Variants in MMP26 observed in about 807,000 individuals in gnomAD.
MMP26 encodes matrix metalloproteinase-26.
In MMP26, 33 loss-of-function variants were observed where a neutral mutation model predicts 31.0. That is an observed-to-expected ratio of 1.06 (90% CI 0.81 to 1.42). The LOEUF is 1.42. Ranked by LOEUF, MMP26 falls within the 40% of genes most tolerant of loss-of-function variation. The pLI is 0.00. For synonymous variants in MMP26, 122 were observed against 114.9 expected (o/e 1.06, Z -0.40); for missense variants, 347 against 316.1 (o/e 1.10, Z -0.74).
At chr11:4,982,891 A>C (rs185901870) in intron 2 of MMP26, among the ~76,000 whole-genome samples, 201 of 152,308 alleles carry the variant, frequency 1.3e-3, no homozygotes, top group African/African-American at 4.7e-3. Context: ...TGTAAGGTCC[A>C]GGTTACATCA....
At chr11:4,952,707 A>G (rs1214352588) in intron 2 of MMP26, among the ~76,000 whole-genome samples, 2 of 125,380 alleles carry the variant, frequency 1.6e-5, no homozygotes, top group Non-Finnish European at 3.6e-5. Flanking sequence ...CAGAGCCTCA[A>G]TCTCTTCAAC....
chr11:4,877,412 C>G (rs1850398504), intron 2 of MMP26: 1 of 152,356 alleles, frequency 6.6e-6, no homozygotes, highest in East Asian at 1.9e-4. Flanking sequence ...CTGCTTCTCC[C>G]TCCTGTGCTC....
rs117033745 is a variant in MMP26 at position 4,732,807 on chromosome 11, T to C, written c.-217+27762T>C. On this transcript the variant is annotated intron_variant, in intron 1 of 7. Coordinates refer to ENST00000380390, the MANE Select transcript of MMP26 (RefSeq NM_021801.5). ...CAAGTATTAGTACTTCAGTCCTTTT[T>C]ATAGCTGAATAAATATTCCATTGCA... Among the ~76,000 whole-genome samples, 199 of 152,386 alleles carry C rather than the reference T, an allele frequency of 1.3e-3. 1 individual carries two copies. The highest frequency in any genetic ancestry group is 3.4e-3 in the Middle Eastern group (1 of 294).
chr11:4,824,737 C>CG (rs1339905047), intron 2 of MMP26, among the ~76,000 whole-genome samples: 2 of 152,150 alleles, frequency 1.3e-5, no homozygotes, highest in African/African-American at 4.8e-5. Flanking sequence ...TTTCTGTGGT[C>CG]ATTATCATAT....
intron 2 of MMP26, among the ~76,000 whole-genome samples, chr11:4,986,830 G>T (rs1564819650): frequency 6.7e-6 from 1 of 148,888 alleles, no homozygotes; most frequent in Admixed American, 6.7e-5. Flanking sequence ...ACTGCGCCTG[G>T]CCTAGTTGAA....
intron 2 of MMP26, among the ~76,000 whole-genome samples, chr11:4,963,040 C>T (rs781005325): frequency 2.2e-4 from 33 of 152,068 alleles, no homozygotes; most frequent in Non-Finnish European, 3.7e-4. Flanking sequence ...CCAAGAAAGC[C>T]CTGGGGATTC....
intron 2 of MMP26, among the ~76,000 whole-genome samples, chr11:4,905,846 C>T (rs1205928061): frequency 6.6e-6 from 1 of 152,008 alleles, no homozygotes; most frequent in Admixed American, 6.5e-5. Context: ...TGAAAGTAAA[C>T]TTGTATGCTT....
intron 2 of MMP26, among the ~76,000 whole-genome samples, chr11:4,798,722 A>G (rs956755250): frequency 7.9e-5 from 12 of 152,208 alleles, no homozygotes; most frequent in Non-Finnish European, 1.8e-4. Flanking sequence ...GAGCACAGAG[A>G]TGGGTTCTAA....
chr11:4,852,515 C>T (rs1301079442), intron 2 of MMP26, among the ~76,000 whole-genome samples: 2 of 152,052 alleles, frequency 1.3e-5, no homozygotes, highest in African/African-American at 4.8e-5. Flanking sequence ...AATCAATAAC[C>T]TAAGCTTCCT....
At chr11:4,776,157 T>C (rs1334522166) in intron 2 of MMP26, among the ~76,000 whole-genome samples, 1 of 152,162 alleles carries the variant, frequency 6.6e-6, no homozygotes, top group African/African-American at 2.4e-5. Context: ...TAGTATTCCA[T>C]TGTGCACATA....
intron 2 of MMP26, among the ~76,000 whole-genome samples, chr11:4,930,296 T>C (rs1268113475): frequency 6.6e-6 from 1 of 152,068 alleles, no homozygotes; most frequent in Non-Finnish European, 1.5e-5. Flanking sequence ...GAAGAAACCA[T>C]TTGTTGCCTA....
chr11:4,822,369 T>C, intron 2 of MMP26: 1 of 1,469,390 alleles, frequency 6.8e-7, no homozygotes. Flanking sequence ...ACTCCAAATC[T>C]AATCATCAGC....
In MMP26 at chr11:4,731,962, T is replaced by C. The variant is rs567991977; in HGVS notation, c.-217+26917T>C. On this transcript the variant is annotated intron_variant, in intron 1 of 7. Transcript: ENST00000380390. ...TGGGGTTCTCTGTTCCTCCTGGATG[T>C]TGCCAGTGAGTTGAAGTGTAGACCT... 4.6e-5 allele frequency among the ~76,000 whole-genome samples: 7 copies of C among 152,274 alleles called. 1 individual carries two copies. The South Asian group carries it at 1.0e-3, about 23-fold the overall frequency.
intron 2 of MMP26, chr11:4,803,417 T>C (rs745501473): frequency 1.3e-6 from 2 of 1,522,944 alleles, no homozygotes; most frequent in Non-Finnish European, 1.8e-6. Flanking sequence ...GTGATGGGGA[T>C]ACACTGACCC....
intron 2 of MMP26, among the ~76,000 whole-genome samples, chr11:4,961,066 A>T (rs1846514257): frequency 6.6e-6 from 1 of 152,224 alleles, no homozygotes; most frequent in African/African-American, 2.4e-5. Flanking sequence ...GAGATCAGTC[A>T]AATAGTGTGA....
At chr11:4,839,631 G>A (rs534614707) in intron 2 of MMP26, among the ~76,000 whole-genome samples, 1 of 151,786 alleles carries the variant, frequency 6.6e-6, no homozygotes, top group East Asian at 2.0e-4. Context: ...CCTAGTCCTG[G>A]CAGCATTTAT....
At chr11:4,708,197 C>T (rs1412569123) in intron 1 of MMP26, among the ~76,000 whole-genome samples, 7 of 152,194 alleles carry the variant, frequency 4.6e-5, no homozygotes, top group African/African-American at 1.7e-4. Context: ...CAACTGAGAT[C>T]CAAGGCTTGA....
chr11:4,959,142 G>C (rs1350160687), intron 2 of MMP26, among the ~76,000 whole-genome samples: 26 of 150,436 alleles, frequency 1.7e-4, no homozygotes, highest in Non-Finnish European at 1.5e-5. Flanking sequence ...GGAGGCTGAG[G>C]CAGGAGAACG....
intron 2 of MMP26, among the ~76,000 whole-genome samples, chr11:4,956,745 A>G (rs1846449199): frequency 6.6e-6 from 1 of 152,152 alleles, no homozygotes; most frequent in South Asian, 2.1e-4. Flanking sequence ...AACTTGTCCA[A>G]CTTAGACAAG....
Sources: allele counts gnomAD v4.1 joint callset (sites outside exome capture counted in the v4.1 genomes callset), GRCh38; gene constraint gnomAD v4.1.1; transcripts MANE v1.5; gene names NCBI Gene and HGNC (gene_info 2026-07-23, HGNC 2026-07-21).